Variants in THSD7B observed in about 807,000 individuals in gnomAD.
THSD7B encodes thrombospondin type 1 domain containing 7B.
A neutral mutation model predicts 213.6 loss-of-function variants in THSD7B; 138 were observed. That is an observed-to-expected ratio of 0.65 (90% CI 0.56 to 0.74). The LOEUF is 0.74. THSD7B is among the 30% of genes least tolerant of loss of function. The probability of loss-of-function intolerance (pLI) is 0.00; values close to 1 mark genes in which losing one functional copy is unlikely to be tolerated. For missense variants in THSD7B, 1,931 were observed against 1,991.5 expected (o/e 0.97, Z 0.58); for synonymous variants, 742 against 687.0 (o/e 1.08, Z -1.25).
chr2:137,131,591 T>C (rs1262359079), intron 5 of THSD7B, among the ~76,000 whole-genome samples: 1 of 152,228 alleles, frequency 6.6e-6, no homozygotes, highest in Non-Finnish European at 1.5e-5. Flanking sequence ...TTCAGCTTTC[T>C]ACATATGGCT....
chr2:137,252,699 A>G (rs1028389369), intron 10 of THSD7B, among the ~76,000 whole-genome samples: 10 of 152,134 alleles, frequency 6.6e-5, no homozygotes, highest in African/African-American at 2.4e-5. Flanking sequence ...GGGGACAGTG[A>G]TGCACAAAGG....
At chr2:137,524,783 T>A (rs1006842247) in intron 15 of THSD7B, among the ~76,000 whole-genome samples, 5 of 152,192 alleles carry the variant, frequency 3.3e-5, no homozygotes, top group Admixed American at 3.3e-4. Flanking sequence ...TATGTACCTG[T>A]CCAGCTCACC....
chr2:137,090,581 T>A (rs1401299852), intron 3 of THSD7B, among the ~76,000 whole-genome samples: 3 of 152,202 alleles, frequency 2.0e-5, no homozygotes, highest in African/African-American at 7.2e-5. Flanking sequence ...TTTCTTTATA[T>A]TTAAATATTT....
intron 15 of THSD7B, among the ~76,000 whole-genome samples, chr2:137,486,434 A>G (rs969841879): frequency 1.2e-4 from 18 of 151,536 alleles, no homozygotes; most frequent in South Asian, 4.2e-4. Flanking sequence ...ATTCAACAAG[A>G]AGAGCTAACT....
At chr2:136,977,131 C>T (rs1205471289) in intron 2 of THSD7B, among the ~76,000 whole-genome samples, 2 of 152,044 alleles carry the variant, frequency 1.3e-5, no homozygotes, top group African/African-American at 4.8e-5. Flanking sequence ...CTATTACTGC[C>T]TCAATTTCAG....
intron 12 of THSD7B, among the ~76,000 whole-genome samples, chr2:137,339,876 C>T (rs1438597952): frequency 7.0e-6 from 1 of 143,136 alleles, no homozygotes; most frequent in African/African-American, 2.5e-5. Flanking sequence ...AAAGAATGGC[C>T]TTTTTTTTTT....
intron 20 of THSD7B, among the ~76,000 whole-genome samples, chr2:137,622,932 T>G (rs1682548277): frequency 1.3e-5 from 2 of 152,184 alleles, no homozygotes; most frequent in Admixed American, 1.3e-4. Context: ...CTTCTGAAAC[T>G]ATTCCAATCA....
At chr2:137,620,503 G>A in intron 19 of THSD7B, 106 bp from the exon 20 acceptor site, 1 of 753,894 alleles carries the variant, frequency 1.3e-6, no homozygotes, top group Non-Finnish European at 2.2e-6. Flanking sequence ...CTGAAATATG[G>A]AAAGGTTATT....
chr2:137,286,034 G>C (rs765929656), intron 12 of THSD7B, among the ~76,000 whole-genome samples: 1 of 151,530 alleles, frequency 6.6e-6, no homozygotes, highest in Non-Finnish European at 1.5e-5. Flanking sequence ...AACCCGGGAG[G>C]TGGAAGTTGC....
At chr2:136,890,541 C>T (rs368966233) in intron 2 of THSD7B, among the ~76,000 whole-genome samples, 6 of 49,844 alleles carry the variant, frequency 1.2e-4, no homozygotes, top group South Asian at 1.4e-3. Context: ...TCTTCTTCTT[C>T]TTTTTTTTTT....
intron 27 of THSD7B, among the ~76,000 whole-genome samples, chr2:137,669,670 T>G (rs772129589): frequency 6.6e-6 from 1 of 152,054 alleles, no homozygotes; most frequent in Non-Finnish European, 1.5e-5. Context: ...GCCAACCCAG[T>G]GTAAGGTAAT....
chr2:137,222,573 C>T (rs2375455), intron 7 of THSD7B, among the ~76,000 whole-genome samples: 90,770 of 151,944 alleles, frequency 0.6, 27,524 homozygotes, highest in South Asian at 0.71. Context: ...TGCTTTTTTC[C>T]TGTATACCTT....
chr2:136,822,216 T>A (rs967269935), intron 1 of THSD7B, among the ~76,000 whole-genome samples: 2 of 152,130 alleles, frequency 1.3e-5, no homozygotes, highest in Non-Finnish European at 2.9e-5. Context: ...TTGCTCAGAG[T>A]TATAGGGACT....
intron 15 of THSD7B, among the ~76,000 whole-genome samples, chr2:137,517,082 C>T (rs1395411495): frequency 1.3e-5 from 2 of 152,148 alleles, no homozygotes; most frequent in Non-Finnish European, 2.9e-5. Flanking sequence ...TCCTGGTACC[C>T]GTTATGCAGC....
At chr2:137,334,646 A>T (rs1252200343) in intron 12 of THSD7B, among the ~76,000 whole-genome samples, 5 of 152,194 alleles carry the variant, frequency 3.3e-5, no homozygotes, top group Non-Finnish European at 5.9e-5. Context: ...TCTGGTGAGA[A>T]TGTGTGCTTC....
chr2:137,398,770 C>T (rs1320790298), intron 12 of THSD7B, among the ~76,000 whole-genome samples: 1 of 152,228 alleles, frequency 6.6e-6, no homozygotes, highest in African/African-American at 2.4e-5. Flanking sequence ...AGCCTCGCTG[C>T]TGCCTTGCAG....
intron 7 of THSD7B, among the ~76,000 whole-genome samples, chr2:137,214,338 G>C (rs111977727): frequency 0.012 from 1,784 of 152,162 alleles, 26 homozygotes; most frequent in African/African-American, 0.041. Flanking sequence ...CTATTAAAAT[G>C]ACAACATTAA....
chr2:137,289,996 A>T (rs951031487), intron 12 of THSD7B, among the ~76,000 whole-genome samples: 2 of 152,080 alleles, frequency 1.3e-5, no homozygotes, highest in African/African-American at 4.8e-5. Context: ...TGGAAGAAAG[A>T]TAAAAGACCT....
At chr2:137,638,390 T>TGTCA (rs1682874074) in intron 20 of THSD7B, among the ~76,000 whole-genome samples, 1 of 152,142 alleles carries the variant, frequency 6.6e-6, no homozygotes, top group Non-Finnish European at 1.5e-5. Context: ...TCTTGTTACC[T>TGTCA]CCATGTAAGA....
Sources: allele counts gnomAD v4.1 joint callset (sites outside exome capture counted in the v4.1 genomes callset), GRCh38; gene constraint gnomAD v4.1.1; transcripts MANE v1.5; gene names NCBI Gene and HGNC (gene_info 2026-07-23, HGNC 2026-07-21).